CDNF: variants seen among roughly 807,000 people sequenced by gnomAD.
The protein encoded by CDNF is ARMET-like protein 1.
In CDNF, 9 loss-of-function variants were observed where a neutral mutation model predicts 14.8. That is an observed-to-expected ratio of 0.61 (90% confidence interval 0.37 to 1.06). The LOEUF (loss-of-function observed/expected upper bound fraction) is 1.06, where lower values mean the gene tolerates loss of function less well. Ranked by LOEUF, CDNF falls within the 50% of genes least tolerant of loss-of-function variation. The probability of loss-of-function intolerance (pLI) is 0.01; values close to 1 mark genes in which losing one functional copy is unlikely to be tolerated. For missense variants in CDNF, 228 were observed against 228.4 expected (o/e 1.00, Z 0.01); for synonymous variants, 86 against 87.2 (o/e 0.99, Z 0.07).
At chr10:14,837,103 A>T (rs1833897226) in intron 1 of CDNF, among the ~76,000 whole-genome samples, 1 of 152,188 alleles carries the variant, frequency 6.6e-6, no homozygotes, top group African/African-American at 2.4e-5. Flanking sequence ...TCAGTAAAAC[A>T]TGGAGTGAGC....
intron 1 of CDNF, chr10:14,834,300 C>A (rs1170619643): frequency 6.6e-6 from 1 of 151,678 alleles, no homozygotes; most frequent in African/African-American, 2.4e-5. Context: ...GAGACTGTTC[C>A]ACTGTACTCC....
chr10:14,823,200 T>C (rs1490697280), intron 3 of CDNF, among the ~76,000 whole-genome samples: 1 of 152,210 alleles, frequency 6.6e-6, no homozygotes, highest in Non-Finnish European at 1.5e-5. Flanking sequence ...ATACATTTTT[T>C]TGTAAATGTC....
chr10:14,822,256 T>A (rs1833743742), intron 3 of CDNF, among the ~76,000 whole-genome samples: 1 of 152,216 alleles, frequency 6.6e-6, no homozygotes, highest in African/African-American at 2.4e-5. Flanking sequence ...GACTACTATT[T>A]CGCTGTTTAT....
chr10:14,834,938 G>A (rs575277832), intron 1 of CDNF, among the ~76,000 whole-genome samples: 64 of 152,290 alleles, frequency 4.2e-4, no homozygotes, highest in Non-Finnish European at 8.8e-4. Context: ...TGAGTAAGGA[G>A]AAAGGAGCAG....
At chr10:14,833,096 G>A (rs1394317870) in intron 1 of CDNF, among the ~76,000 whole-genome samples, 1 of 151,940 alleles carries the variant, frequency 6.6e-6, no homozygotes, top group Non-Finnish European at 1.5e-5. Flanking sequence ...CTGACCTTAG[G>A]TGATCTGCCT....
rs554859450 is a variant in CDNF, at chr10:14,826,362, CAGA to C, written c.244-745_244-743del. On this transcript the variant is annotated intron_variant, in intron 2 of 3. Transcript: ENST00000465530. Reference sequence around the variant, plus strand: ...GCAGCAGAAGCAGAAGCAGCAGAAGCAGAAGAAGAGCAGCAGCAGAAGAAGAAG... The same window carrying C: ...GCAGCAGAAGCAGAAGCAGCAGAAGCAGAAGAGCAGCAGCAGAAGAAGAAG... Among the ~76,000 whole-genome samples, 1,229 of 134,784 alleles carry C rather than the reference CAGA, an allele frequency of 9.1e-3. 20 individuals carry two copies. Among genetic ancestry groups the C allele is most frequent in the African/African-American group, 0.032 (1,147 of 35,542 alleles). The allele number at this position is 134,784 out of a possible 152,430, so 88.4% of individuals were successfully genotyped here. A position where few individuals can be genotyped will look rare whatever the true frequency, so the allele number is the denominator to read the frequency against.
intron 1 of CDNF, among the ~76,000 whole-genome samples, chr10:14,833,519 A>G (rs1025013765): frequency 2.6e-5 from 4 of 152,184 alleles, no homozygotes; most frequent in African/African-American, 9.7e-5. Context: ...AATATTACAG[A>G]TATTAAGAAG....
At chr10:14,833,608 C>CA (rs1303127126) in intron 1 of CDNF, among the ~76,000 whole-genome samples, 1 of 151,348 alleles carries the variant, frequency 6.6e-6, no homozygotes, top group Non-Finnish European at 1.5e-5. Flanking sequence ...ATATAACATC[C>CA]AACTGGAAAC....
intron 1 of CDNF, among the ~76,000 whole-genome samples, chr10:14,830,067 G>A (rs977750484): frequency 8.5e-5 from 13 of 152,146 alleles, no homozygotes; most frequent in Middle Eastern, 3.2e-3. Context: ...TGAGATGAAG[G>A]AGCATTATTT....
intron 1 of CDNF, among the ~76,000 whole-genome samples, chr10:14,829,527 A>G (rs557897638): frequency 1.3e-5 from 2 of 152,332 alleles, no homozygotes; most frequent in African/African-American, 4.8e-5. Context: ...TTATATCTTG[A>G]AGATACTTTC....
At chr10:14,826,017 A>AAGG (rs1378300590) in intron 2 of CDNF, among the ~76,000 whole-genome samples, 1 of 124,780 alleles carries the variant, frequency 8.0e-6, no homozygotes, top group African/African-American at 3.8e-5. Flanking sequence ...GCAGAAGCAG[A>AAGG]AGAAGAAGAA....
chr10:14,827,462 TATTA>T (rs1032352761), intron 2 of CDNF, among the ~76,000 whole-genome samples: 12 of 152,334 alleles, frequency 7.9e-5, no homozygotes, highest in African/African-American at 1.9e-4. Flanking sequence ...ATAAATACTT[TATTA>T]ATTATGTATA....
chr10:14,826,502 AAAAGAAGCAGC>A (rs1564313900), intron 2 of CDNF, among the ~76,000 whole-genome samples: 47 of 149,126 alleles, frequency 3.2e-4, no homozygotes, highest in Admixed American at 8.0e-4. Context: ...AAGAAGAAGA[AAAAGAAGCAGC>A]AGAAGCAGCA....
rs1833908442 is a variant in CDNF, at chr10:14,837,880, G to A, written c.67C>T (p.Leu23=). 2.5e-6 allele frequency: 4 copies of A among 1,606,516 alleles called. 1 individual carries two copies. Among genetic ancestry groups the A allele is most frequent in the Admixed American group, 3.4e-5 (2 of 59,566 alleles). The change falls in exon 1 of 4, where the codon CTG becomes TTG. Residue 23 remains leucine (L), a synonymous_variant. Transcript: ENST00000465530. ...CAGLLVSHPV[L]TQGQEAGGRP... is the part of the protein sequence containing the mutation. ...CCCCCGGCCTCCTGGCCCTGCGTCA[G>A]CACCGGGTGAGAGACCAAAAGCCCG...
At chr10:14,826,084 A>AGAAGAAGAAGAAGAAGAG (rs1833782904) in intron 2 of CDNF, among the ~76,000 whole-genome samples, 1 of 142,254 alleles carries the variant, frequency 7.0e-6, no homozygotes, top group African/African-American at 2.7e-5. Flanking sequence ...AAGAAGAAGA[A>AGAAGAAGAAGAAGAAGAG]GAAGAAGAAG....
rs145640269 is a variant in CDNF, at chr10:14,824,230, C to T, written c.385+1249G>A. ...CTTTTATGATACCCACTCAATCTAC[C>T]CAAATGTCTAGCCCAGATACAAATC... On this transcript the variant is annotated intron_variant, in intron 3 of 3. Transcript: ENST00000465530. Among the ~76,000 whole-genome samples the T allele has an allele frequency of 1.3e-4, 20 of 152,274 alleles. No homozygotes were observed. The East Asian group carries it at 3.5e-3, about 26-fold the overall frequency.
Position 14,824,542 on chromosome 10 carries a change from A to T in CDNF, c.385+937T>A, listed in dbSNP as rs7899405. Among the ~76,000 whole-genome samples, 312 of 148,252 alleles carry T rather than the reference A, an allele frequency of 2.1e-3. 2 individuals are homozygous for T. Among genetic ancestry groups the T allele is most frequent in the African/African-American group, 7.2e-3 (291 of 40,486 alleles). ...AATCGCTTGAACCCACGAGGCAGAG[A>T]TTGCAGTGAGCCAAGATCGCACCAC... On this transcript the variant is annotated intron_variant, in intron 3 of 3. Transcript: ENST00000465530.
chr10:14,821,351 T>A (rs1032944226), intron 3 of CDNF, among the ~76,000 whole-genome samples: 2 of 152,206 alleles, frequency 1.3e-5, no homozygotes, highest in Non-Finnish European at 1.5e-5. Flanking sequence ...CTTGAACTTC[T>A]CACCTCAGCT....
Position 14,826,445 on chromosome 10 carries a change from GAAGAAGCAGAAGAAGA to G in CDNF, c.244-841_244-826del, listed in dbSNP as rs1236153532. Among the ~76,000 whole-genome samples the G allele has an allele frequency of 4.8e-4, 70 of 145,616 alleles. No individual in the cohort carries two copies. The South Asian group carries it at 9.7e-3, about 20-fold the overall frequency. On this transcript the variant is annotated intron_variant, in intron 2 of 3. Coordinates refer to ENST00000465530, the MANE Select transcript of CDNF (RefSeq NM_001029954.3). ...GCAGAAGCAGCAGAAGAAAGAAGCA[GAAGAAGCAGAAGAAGA>G]AAGAAGCAGAAGAAGAAGAAAAAGA... is the stretch of plus-strand genomic sequence containing the variant.
Sources: allele counts gnomAD v4.1 joint callset (sites outside exome capture counted in the v4.1 genomes callset), GRCh38; gene constraint gnomAD v4.1.1; transcripts MANE v1.5; gene names NCBI Gene and HGNC (gene_info 2026-07-23, HGNC 2026-07-21).